The following COL6A5 variants were observed in gnomAD, a reference collection of about 807,000 sequenced individuals.
COL6A5 encodes collagen alpha-5(VI) chain.
A neutral mutation model predicts 65.6 loss-of-function variants in COL6A5; 48 were observed. The ratio of observed to expected loss-of-function variants is 0.73; its 90% CI spans 0.58 to 0.93. COL6A5 has a LOEUF of 0.93. Among genes scored for constraint, COL6A5 ranks in the 40% least tolerant of loss-of-function variants. The pLI is 0.00. For missense variants in COL6A5, 914 were observed against 928.3 expected, an observed-to-expected ratio of 0.98 and a Z score of 0.20; for synonymous variants, 291 against 322.8, an observed-to-expected ratio of 0.90 and a Z score of 1.05.
intron 1 of COL6A5, among the ~76,000 whole-genome samples, chr3:130,435,981 G>A (rs188061735): frequency 1.3e-5 from 2 of 152,182 alleles, no homozygotes; most frequent in African/African-American, 2.4e-5. Flanking sequence ...TTGAACAGGA[G>A]TGGTGAGAGA....
At chr3:130,391,668 A>G (rs974806622) in exon 7 of COL6A5, 2 of 1,551,540 alleles carry the variant, frequency 1.3e-6, no homozygotes, top group African/African-American at 2.7e-5. Flanking sequence ...GGGAATAAAA[A>G]CAATACTATC....
intron 25 of COL6A5, 145 bp downstream of exon 25, chr3:130,419,076 C>T: frequency 5.9e-6 from 4 of 677,356 alleles, no homozygotes; most frequent in South Asian, 5.3e-5. Flanking sequence ...TTTCTCCCAC[C>T]CCCTAAAGCT....
exon 4 of COL6A5, chr3:130,379,797 A>ACCCACAGACCACCC: frequency 6.4e-7 from 1 of 1,551,416 alleles, no homozygotes; most frequent in Non-Finnish European, 8.7e-7. Context: ...CCCACAGACC[A>ACCCACAGACCACCC]TCAGATGATG....
chr3:130,418,092 GATAC>G lies in COL6A5; in HGVS notation c.4888-774_4888-771del, dbSNP rs372321489. On this transcript the variant is annotated intron_variant and NMD_transcript_variant, in intron 24 of 41. Transcript: ENST00000312481. ...AAAGTGGTAACAAGATAAGGCAATA[GATAC>G]ATTACCTAACTTAACTGTGGCAATC... Among the ~76,000 whole-genome samples, 1,138 of 152,176 alleles carry G rather than the reference GATAC, an allele frequency of 7.5e-3. 16 individuals carry two copies. The highest frequency in any genetic ancestry group is 0.025 in the African/African-American group (1,037 of 41,518).
chr3:130,373,082 A>G (rs1935625578), intron 1 of COL6A5, among the ~76,000 whole-genome samples: 1 of 152,246 alleles, frequency 6.6e-6, no homozygotes, highest in African/African-American at 2.4e-5. Flanking sequence ...ACAAAGGCTT[A>G]GTGAAGGAAG....
chr3:130,355,040 A>G (rs1934872934), intron 1 of COL6A5, among the ~76,000 whole-genome samples: 1 of 149,290 alleles, frequency 6.7e-6, no homozygotes, highest in African/African-American at 2.4e-5. Context: ...ATATTATTTA[A>G]TTAATTTCAC....
At chr3:130,384,860 A>G in exon 5 of COL6A5, 1 of 1,550,734 alleles carries the variant, frequency 6.4e-7, no homozygotes, top group Non-Finnish European at 8.7e-7. Flanking sequence ...CTCAAGCAGC[A>G]TCCAGGAGAA....
At position 130,452,759 on chromosome 3, in the gene COL6A5, T is replaced by C. The variant is rs188543750; in HGVS notation, c.1333-2696T>C. Among the ~76,000 whole-genome samples the C allele has an allele frequency of 8.0e-4, 122 of 152,262 alleles. 2 individuals are homozygous for C. The East Asian group carries it at 0.01, about 13-fold the overall frequency. The stretch of plus-strand genomic sequence containing the variant: ...CAAATTTATTAGGTGGGAATTTCCT[T>C]GTCCTAATAAGCCTGGGAGCACTAT... On this transcript the variant is annotated intron_variant, in intron 4 of 7. Transcript: ENST00000512836.
At chr3:130,459,731 T>G (rs994045134) in intron 5 of COL6A5, among the ~76,000 whole-genome samples, 7 of 152,150 alleles carry the variant, frequency 4.6e-5, no homozygotes, top group Admixed American at 2.0e-4. Context: ...CTATATTTTT[T>G]TTTTACAAAT....
chr3:130,464,085 G>C (rs1343043835), intron 5 of COL6A5, among the ~76,000 whole-genome samples: 1 of 152,030 alleles, frequency 6.6e-6, no homozygotes, highest in East Asian at 1.9e-4. Flanking sequence ...CACTGACATG[G>C]TAAGTTAATT....
intron 1 of COL6A5, among the ~76,000 whole-genome samples, chr3:130,354,690 C>G (rs1190966746): frequency 6.6e-6 from 1 of 152,206 alleles, no homozygotes; most frequent in Non-Finnish European, 1.5e-5. Flanking sequence ...CAGAGCTTCA[C>G]AGCTGGTGTG....
In COL6A5 at chr3:130,391,169, C is replaced by A. The variant is rs1174215870; in HGVS notation, c.2417-10C>A. 1 of 1,540,468 alleles carries A rather than the reference C, an allele frequency of 6.5e-7. No homozygotes were observed. Among genetic ancestry groups the A allele is most frequent in the Non-Finnish European group, 8.8e-7 (1 of 1,139,416 alleles). ...GAAAGTTTGTGACTCCTGTTTTCAT[C>A]TTCTTTCAGATTGTAAAAGGATTAC... On this transcript the variant is annotated splice_polypyrimidine_tract_variant and intron_variant and NMD_transcript_variant, in intron 6 of 41. Transcript: ENST00000312481.
At chr3:130,367,493 C>T (rs965292294) in intron 1 of COL6A5, among the ~76,000 whole-genome samples, 1 of 152,164 alleles carries the variant, frequency 6.6e-6, no homozygotes, top group Non-Finnish European at 1.5e-5. Flanking sequence ...ACTCACTCTG[C>T]CAAGCACTGG....
chr3:130,467,855 TG>T (rs1709854434), intron 5 of COL6A5, among the ~76,000 whole-genome samples: 1 of 152,074 alleles, frequency 6.6e-6, no homozygotes, highest in Non-Finnish European at 1.5e-5. Flanking sequence ...ATCTACTTTT[TG>T]CTTGATTAGG....
chr3:130,362,326 A>ATT (rs374784717), intron 1 of COL6A5, among the ~76,000 whole-genome samples: 20 of 4,658 alleles, frequency 4.3e-3, no homozygotes, highest in South Asian at 0.013. Context: ...ATATATATAT[A>ATT]TTTTTTTTTT....
chr3:130,443,585 A>G lies in COL6A5; in HGVS notation c.1332+19A>G. On this transcript the variant is annotated intron_variant, in intron 4 of 7. Coordinates refer to ENST00000512836, the Ensembl canonical transcript of COL6A5. ...GTTTCCAGTAAGTTAGAAAGCTCTT[A>G]TATTTACAAGTGACTGCTAATTGGC... 1 of 1,522,904 alleles carries G rather than the reference A, an allele frequency of 6.6e-7. No homozygotes were observed. The highest frequency in any genetic ancestry group is 9.1e-7 in the Non-Finnish European group (1 of 1,097,228). The allele number at this position is 1,522,904 out of a possible 1,614,324, so 94.3% of individuals were successfully genotyped here. A position where few individuals can be genotyped will look rare whatever the true frequency, so the allele number is the denominator to read the frequency against.
chr3:130,479,000 CAG>C (rs1203280203), intron 7 of COL6A5, among the ~76,000 whole-genome samples: 2 of 151,920 alleles, frequency 1.3e-5, no homozygotes, highest in East Asian at 3.9e-4. Flanking sequence ...TGAGAACAAA[CAG>C]AATGTATATT....
intron 1 of COL6A5, among the ~76,000 whole-genome samples, chr3:130,346,498 T>C (rs1290082451): frequency 6.6e-6 from 1 of 152,186 alleles, no homozygotes; most frequent in Non-Finnish European, 1.5e-5. Flanking sequence ...AAAAATAACT[T>C]CTAAACACTC....
chr3:130,459,094 A>G (rs1032951997), intron 5 of COL6A5, among the ~76,000 whole-genome samples: 2 of 152,078 alleles, frequency 1.3e-5, no homozygotes, highest in Non-Finnish European at 2.9e-5. Context: ...AAAAAACAGA[A>G]TAATTTGTAA....
Sources: allele counts gnomAD v4.1 joint callset (sites outside exome capture counted in the v4.1 genomes callset), GRCh38; gene constraint gnomAD v4.1.1; transcripts MANE v1.5; gene names NCBI Gene and HGNC (gene_info 2026-07-23, HGNC 2026-07-21).